The following MACC1 variants were observed in gnomAD, a reference collection of about 807,000 sequenced individuals.
MACC1 encodes MET transcriptional regulator MACC1.
Under a neutral mutation model 70.7 loss-of-function variants are expected in MACC1, and 79 were observed. That is an observed-to-expected ratio of 1.12 (90% CI 0.93 to 1.35). MACC1 has a LOEUF of 1.35. Ranked by LOEUF, MACC1 falls within the 40% of genes most tolerant of loss-of-function variation. The pLI, the probability that MACC1 is intolerant of heterozygous loss-of-function variation, is 0.00. For synonymous variants in MACC1, 361 were observed against 347.2 expected, an observed-to-expected ratio of 1.04 and a Z score of -0.44; for missense variants, 1,106 against 978.1, an observed-to-expected ratio of 1.13 and a Z score of -1.74.
In MACC1 at chr7:20,140,746, CT is replaced by C. The variant is rs1302730608; in HGVS notation, c.*199del. The C allele has an allele frequency of 2.4e-6, 1 of 424,140 alleles. No homozygotes were observed. Among genetic ancestry groups the C allele is most frequent in the Non-Finnish European group, 4.1e-6 (1 of 243,940 alleles). 26.3% of individuals were successfully genotyped at this position (424,140 alleles called of 1,614,324 possible). ...CTGTGCTTTCATCAGGAAAAAAAAA[CT>C]GGTTTTGAGCATGAAGAAAATTAAT... On this transcript the variant is annotated 3_prime_UTR_variant, in exon 7 of 7. Transcript: ENST00000400331.
At chr7:20,214,036 A>C (rs1783034864) in intron 1 of MACC1, among the ~76,000 whole-genome samples, 1 of 151,394 alleles carries the variant, frequency 6.6e-6, no homozygotes, top group Non-Finnish European at 1.5e-5. Flanking sequence ...AATTCCTACC[A>C]CTCTTCATTT....
chr7:20,165,558 G>A (rs986646651), intron 2 of MACC1, among the ~76,000 whole-genome samples: 1 of 151,102 alleles, frequency 6.6e-6, no homozygotes, highest in East Asian at 1.9e-4. Context: ...ATCCTCGACT[G>A]GAAGGACCAA....
Position 20,141,119 on chromosome 7 carries a change from T to G in MACC1, c.2386A>C (p.Ser796Arg). 1 of 1,610,134 alleles carries G rather than the reference T, an allele frequency of 6.2e-7. No homozygotes were observed. Among genetic ancestry groups the G allele is most frequent in the Non-Finnish European group, 8.5e-7 (1 of 1,178,694 alleles). Residue 796 changes from serine (S) to arginine (R), a missense_variant, in exon 7 of 7, where the codon AGT becomes CGT. Transcript: ENST00000400331. ...KPAYDFLYTW[S>R]AHYGNNYRDV... Reference sequence around the variant, plus strand: ...CTGTAGTTATTTCCATAGTGAGCACTCCAGGTATACAGAAAATCATAGGCA... The same window carrying G: ...CTGTAGTTATTTCCATAGTGAGCACGCCAGGTATACAGAAAATCATAGGCA...
chr7:20,173,150 T>C (rs570945544), intron 1 of MACC1, among the ~76,000 whole-genome samples: 1 of 152,364 alleles, frequency 6.6e-6, no homozygotes, highest in East Asian at 1.9e-4. Context: ...TTCATTTATT[T>C]TTATAAAAAG....
chr7:20,204,961 GGATCTATAATTAAATTTA>G (rs1318301561), intron 1 of MACC1, among the ~76,000 whole-genome samples: 6 of 152,186 alleles, frequency 3.9e-5, no homozygotes, highest in South Asian at 4.1e-4. Flanking sequence ...CCTAGTTTAA[GGATCTATAATTAAATTTA>G]GATCTATAAT....
intron 1 of MACC1, among the ~76,000 whole-genome samples, chr7:20,194,763 A>C (rs945461170): frequency 6.6e-6 from 1 of 152,192 alleles, no homozygotes; most frequent in Non-Finnish European, 1.5e-5. Context: ...CTCAATACTA[A>C]AAGAGGATAT....
At chr7:20,213,106 C>T (rs1003132765) in intron 1 of MACC1, among the ~76,000 whole-genome samples, 4 of 152,070 alleles carry the variant, frequency 2.6e-5, no homozygotes, top group East Asian at 1.9e-4. Context: ...AGATGGTGGC[C>T]CACCCTTCCC....
intron 2 of MACC1, among the ~76,000 whole-genome samples, chr7:20,166,175 A>C (rs1375567101): frequency 6.6e-6 from 1 of 152,194 alleles, no homozygotes; most frequent in East Asian, 1.9e-4. Context: ...GATGATTTCC[A>C]TGAATTTGTA....
At chr7:20,171,897 T>C (rs1030865872) in intron 1 of MACC1, among the ~76,000 whole-genome samples, 4 of 152,272 alleles carry the variant, frequency 2.6e-5, no homozygotes, top group South Asian at 4.1e-4. Flanking sequence ...CAAGTGATGA[T>C]GTGAGTTACA....
At chr7:20,215,322 T>G (rs1233032556) in intron 1 of MACC1, among the ~76,000 whole-genome samples, 3 of 152,160 alleles carry the variant, frequency 2.0e-5, no homozygotes, top group African/African-American at 7.2e-5. Context: ...GAGTTTCTTC[T>G]AGCCTCTAAA....
At position 20,195,786 on chromosome 7, in the gene MACC1, T is replaced by C. The variant is rs74584077; in HGVS notation, c.-218+21513A>G. ...TACTGCTCATCTTGAGGCCAATGCT[T>C]CTTTAGCTGCTAGAAAAAAAGAAAA... On this transcript the variant is annotated intron_variant, in intron 1 of 6. Transcript: ENST00000400331. 4.6e-5 allele frequency among the ~76,000 whole-genome samples: 7 copies of C among 152,312 alleles called. No individual in the cohort carries two copies. The East Asian group carries it at 1.2e-3, about 25-fold the overall frequency.
chr7:20,145,858 C>T (rs1342524937), intron 6 of MACC1, among the ~76,000 whole-genome samples: 1 of 151,940 alleles, frequency 6.6e-6, no homozygotes, highest in Non-Finnish European at 1.5e-5. Context: ...CTATGTTTTC[C>T]CTTAATAAGT....
chr7:20,176,821 C>T (rs1283090028), intron 1 of MACC1, among the ~76,000 whole-genome samples: 1 of 152,046 alleles, frequency 6.6e-6, no homozygotes, highest in Non-Finnish European at 1.5e-5. Flanking sequence ...ACAAGCCAGT[C>T]GCATAAGGTA....
At chr7:20,189,718 GAGAC>G (rs1275717355) in intron 1 of MACC1, among the ~76,000 whole-genome samples, 2 of 150,790 alleles carry the variant, frequency 1.3e-5, no homozygotes, top group East Asian at 1.9e-4. Flanking sequence ...AAAAGAGACA[GAGAC>G]AGACAGACAG....
At chr7:20,147,974 T>C (rs1369987530) in intron 6 of MACC1, among the ~76,000 whole-genome samples, 1 of 152,144 alleles carries the variant, frequency 6.6e-6, no homozygotes, top group Admixed American at 6.5e-5. Context: ...CTGACACCAA[T>C]GTTTAAAGAA....
At chr7:20,157,046 A>C (rs1782064668) in intron 5 of MACC1, among the ~76,000 whole-genome samples, 1 of 152,218 alleles carries the variant, frequency 6.6e-6, no homozygotes, top group Non-Finnish European at 1.5e-5. Context: ...TTGAAACCAA[A>C]AAATATTCAA....
chr7:20,213,537 A>T (rs964533999), intron 1 of MACC1, among the ~76,000 whole-genome samples: 2 of 152,250 alleles, frequency 1.3e-5, no homozygotes, highest in Non-Finnish European at 1.5e-5. Flanking sequence ...AATGCCCATA[A>T]TGATGGACTG....
chr7:20,193,888 C>A (rs779445638), intron 1 of MACC1, among the ~76,000 whole-genome samples: 4 of 151,804 alleles, frequency 2.6e-5, no homozygotes, highest in Admixed American at 1.3e-4. Flanking sequence ...ATCTTTATTC[C>A]CCCGCCCCCA....
intron 1 of MACC1, among the ~76,000 whole-genome samples, chr7:20,209,102 A>G (rs1782956679): frequency 6.6e-6 from 1 of 152,248 alleles, no homozygotes; most frequent in Non-Finnish European, 1.5e-5. Flanking sequence ...AGTTTGCTAC[A>G]GGGATGGGGC....
Sources: gnomAD v4.1 joint callset for allele counts (sites outside exome capture counted in the v4.1 genomes callset) on GRCh38, gnomAD v4.1.1 for gene constraint, MANE v1.5 for transcripts, NCBI Gene and HGNC (gene_info 2026-07-23, HGNC 2026-07-21) for gene names.